Variants in MBNL1 observed in about 807,000 individuals in gnomAD.
MBNL1 encodes the protein muscleblind like splicing regulator 1.
Under a neutral mutation model 42.2 loss-of-function variants are expected in MBNL1, and 8 were observed. The ratio of observed to expected loss-of-function variants is 0.19; its 90% CI spans 0.11 to 0.34. The LOEUF (loss-of-function observed/expected upper bound fraction) is 0.34, where lower values mean the gene tolerates loss of function less well. Ranked by LOEUF, MBNL1 falls within the 10% of genes least tolerant of loss-of-function variation. MBNL1 has a pLI of 1.00. For missense variants in MBNL1, 309 were observed against 495.3 expected (o/e 0.62, Z 3.57); for synonymous variants, 169 against 173.9 (o/e 0.97, Z 0.22).
chr3:152,406,368 T>TGA (rs1165872817), intron 2 of MBNL1, among the ~76,000 whole-genome samples: 1 of 152,210 alleles, frequency 6.6e-6, no homozygotes, highest in Admixed American at 6.5e-5. Context: ...TTTCTTCAGA[T>TGA]GACTATCAGC....
intron 2 of MBNL1, among the ~76,000 whole-genome samples, chr3:152,371,315 G>A (rs952608931): frequency 1.3e-5 from 2 of 152,100 alleles, no homozygotes; most frequent in African/African-American, 2.4e-5. Context: ...TAAGAATGTT[G>A]TGCCAGGCAC....
intron 2 of MBNL1, among the ~76,000 whole-genome samples, chr3:152,356,128 A>G (rs576672777): frequency 6.6e-6 from 1 of 152,306 alleles, no homozygotes; most frequent in South Asian, 2.1e-4. Context: ...TCTCTGAGTC[A>G]TTAAAATGTA....
chr3:152,433,930 G>A (rs992219644), intron 4 of MBNL1, among the ~76,000 whole-genome samples: 4 of 152,154 alleles, frequency 2.6e-5, no homozygotes, highest in African/African-American at 9.7e-5. Flanking sequence ...AACTATAGAT[G>A]TAGAGAAAAA....
At chr3:152,289,769 A>G (rs2054768938) in intron 1 of MBNL1, among the ~76,000 whole-genome samples, 1 of 152,090 alleles carries the variant, frequency 6.6e-6, no homozygotes, top group African/African-American at 2.4e-5. Context: ...GTAATGTTAA[A>G]GTGTGTAGCA....
chr3:152,356,856 A>AGTGTGTGTGTGTGTGTGTGT lies in MBNL1; in HGVS notation c.174+56494_174+56513dup, dbSNP rs59868027. On this transcript the variant is annotated intron_variant, in intron 2 of 9. Coordinates refer to ENST00000324210, the MANE Select transcript of MBNL1 (RefSeq NM_021038.5). ...AGAGGGGATCTGGGCATATGTGTGT[A>AGTGTGTGTGTGTGTGTGTGT]GTGTGTGTGTGTGTGTGTGTGTGTT... Among the ~76,000 whole-genome samples, 52 of 149,488 alleles carry AGTGTGTGTGTGTGTGTGTGT rather than the reference A, an allele frequency of 3.5e-4. No homozygotes were observed. The South Asian group carries it at 3.8e-3, about 11-fold the overall frequency.
intron 2 of MBNL1, among the ~76,000 whole-genome samples, chr3:152,370,501 A>G (rs185110867): frequency 1.0e-3 from 156 of 152,292 alleles, no homozygotes; most frequent in Non-Finnish European, 1.5e-3. Context: ...AGTTCTGTAG[A>G]TGTCTATTAG....
intron 2 of MBNL1, among the ~76,000 whole-genome samples, chr3:152,252,550 A>C (rs902269849): frequency 6.6e-6 from 1 of 152,070 alleles, no homozygotes; most frequent in East Asian, 1.9e-4. Flanking sequence ...CAGTTCAAAA[A>C]TACCTGCTTG....
At chr3:152,317,252 G>A (rs1442003506) in intron 2 of MBNL1, among the ~76,000 whole-genome samples, 1 of 152,098 alleles carries the variant, frequency 6.6e-6, no homozygotes, top group African/African-American at 2.4e-5. Flanking sequence ...TTTATGTGGA[G>A]TTCTGTGACT....
At chr3:152,305,181 A>G (rs1300256950) in intron 2 of MBNL1, among the ~76,000 whole-genome samples, 2 of 152,210 alleles carry the variant, frequency 1.3e-5, no homozygotes, top group Non-Finnish European at 2.9e-5. Context: ...TTGCATATAT[A>G]AGGCTGTTTC....
At chr3:152,446,832 T>C (rs759308219) in intron 5 of MBNL1, 152 of 1,215,848 alleles carry the variant, frequency 1.3e-4, no homozygotes, top group Non-Finnish European at 1.7e-4. Context: ...AAATCAACTT[T>C]AAAATATATA....
intron 2 of MBNL1, 30 bp downstream of exon 2, chr3:152,300,397 A>G: frequency 1.3e-6 from 2 of 1,571,500 alleles, no homozygotes; most frequent in East Asian, 2.2e-5. Flanking sequence ...TTTTAAGGAT[A>G]TTCAATGATT....
At chr3:152,278,726 A>G (rs1214303083) in intron 1 of MBNL1, among the ~76,000 whole-genome samples, 2 of 152,158 alleles carry the variant, frequency 1.3e-5, no homozygotes, top group African/African-American at 2.4e-5. Context: ...TTACTTTGCC[A>G]TGTTAACAAT....
intron 2 of MBNL1, among the ~76,000 whole-genome samples, chr3:152,370,149 A>C (rs1323932332): frequency 1.3e-5 from 2 of 152,176 alleles, no homozygotes; most frequent in African/African-American, 4.8e-5. Context: ...GCTTAGTGCT[A>C]TAAATTTTTC....
At chr3:152,366,813 T>C (rs571744290) in intron 2 of MBNL1, among the ~76,000 whole-genome samples, 2 of 152,308 alleles carry the variant, frequency 1.3e-5, no homozygotes, top group South Asian at 4.1e-4. Flanking sequence ...ATGTCAGTTA[T>C]TTTAGATGGT....
chr3:152,416,624 C>T (rs2098706509), intron 3 of MBNL1, among the ~76,000 whole-genome samples: 1 of 152,172 alleles, frequency 6.6e-6, no homozygotes, highest in South Asian at 2.1e-4. Context: ...TGCTTACCAC[C>T]AGGCTGTACC....
intron 1 of MBNL1, among the ~76,000 whole-genome samples, chr3:152,289,067 A>G (rs1025458663): frequency 1.3e-5 from 2 of 151,098 alleles, no homozygotes; most frequent in Non-Finnish European, 3.0e-5. Flanking sequence ...GGAAGTACAT[A>G]TTCGTAAAGG....
intron 3 of MBNL1, among the ~76,000 whole-genome samples, chr3:152,430,743 G>T (rs1292085623): frequency 1.3e-5 from 2 of 152,198 alleles, no homozygotes; most frequent in Non-Finnish European, 2.9e-5. Flanking sequence ...TTGGTGGACA[G>T]AGAATGCCCT....
At chr3:152,248,821 T>G (rs1299708898) in intron 2 of MBNL1, among the ~76,000 whole-genome samples, 2 of 149,016 alleles carry the variant, frequency 1.3e-5, no homozygotes, top group Non-Finnish European at 3.0e-5. Context: ...CCTGTGTCCA[T>G]GTGTTCTCAT....
intron 4 of MBNL1, 55 bp downstream of exon 4, chr3:152,432,975 GTTTT>G: frequency 6.6e-7 from 1 of 1,515,498 alleles, no homozygotes; most frequent in Admixed American, 1.9e-5. Context: ...TCAAAGTGTG[GTTTT>G]TTGTTTGTTT....
Sources: allele counts gnomAD v4.1 joint callset (sites outside exome capture counted in the v4.1 genomes callset), GRCh38; gene constraint gnomAD v4.1.1; transcripts MANE v1.5; gene names NCBI Gene and HGNC (gene_info 2026-07-23, HGNC 2026-07-21).